Variants in RALGDS observed in about 807,000 individuals in gnomAD.
RALGDS encodes ral guanine nucleotide exchange factor.
RALGDS carries 44 observed loss-of-function variants against 99.8 expected under a neutral mutation model. The ratio of observed to expected loss-of-function variants is 0.44; its 90% CI spans 0.35 to 0.57. RALGDS has a LOEUF of 0.57. Among genes scored for constraint, RALGDS ranks in the 20% least tolerant of loss-of-function variants. The probability of loss-of-function intolerance (pLI) is 0.01; values close to 1 mark genes in which losing one functional copy is unlikely to be tolerated. For missense variants in RALGDS, 1,022 were observed against 1,203.1 expected (o/e 0.85, Z 2.23); for synonymous variants, 529 against 505.0 (o/e 1.05, Z -0.64).
upstream of RALGDS, among the ~76,000 whole-genome samples, chr9:133,125,626 C>T (rs1283599991): frequency 1.3e-5 from 2 of 152,130 alleles, no homozygotes; most frequent in Non-Finnish European, 2.9e-5. Context: ...ATCCCAGCTA[C>T]TTGGGAGGCT....
intron 7 of RALGDS, 131 bp downstream of exon 7, chr9:133,106,954 G>C (rs1831094419): frequency 2.8e-6 from 3 of 1,063,020 alleles, no homozygotes; most frequent in Admixed American, 1.9e-5. Flanking sequence ...CCAGGCAGTG[G>C]GCTGGGAGAG....
chr9:133,129,276 G>A (rs1183723596), intron 1 of RALGDS: 4 of 1,595,032 alleles, frequency 2.5e-6, no homozygotes. Flanking sequence ...CTCCCCCTGG[G>A]CACGGCAGGC....
chr9:133,131,577 C>A (rs1564251799), upstream of RALGDS, among the ~76,000 whole-genome samples: 1 of 152,088 alleles, frequency 6.6e-6, no homozygotes. Context: ...TGTCTTAATG[C>A]AGCAACACCA....
chr9:133,114,342 G>A (rs1392577421), intron 1 of RALGDS, among the ~76,000 whole-genome samples: 2 of 152,220 alleles, frequency 1.3e-5, no homozygotes, highest in African/African-American at 4.8e-5. Context: ...GCTACGTGGA[G>A]TACAGGGGCT....
intron 16 of RALGDS, 82 bp from the exon 17 acceptor site, chr9:133,100,464 G>C: frequency 6.2e-7 from 1 of 1,607,788 alleles, no homozygotes. Context: ...GGACCCTCTG[G>C]AGTCCCCTCA....
At chr9:133,111,826 C>T (rs1831357642) in intron 2 of RALGDS, among the ~76,000 whole-genome samples, 1 of 152,174 alleles carries the variant, frequency 6.6e-6, no homozygotes, top group Non-Finnish European at 1.5e-5. Context: ...GTGTGCACAT[C>T]TGGGAGAAGG....
rs776276452 is a variant in RALGDS, at chr9:133,110,367, G to A, written c.417C>T (p.Tyr139=). Residue 139 remains tyrosine (Y), a synonymous_variant, in exon 3 of 18, where the codon TAC becomes TAT. Transcript: ENST00000372050. Reference sequence around the variant, plus strand: ...TATAGGTACACAGGAAGATGGTGACGTAGGAGAGGTCGCTGCCCTGGAAGG... The same window carrying A: ...TATAGGTACACAGGAAGATGGTGACATAGGAGAGGTCGCTGCCCTGGAAGG... ...VPAFQGSDLS[Y]VTIFLCTYRA... is the part of the protein sequence containing the mutation. 45 of 1,613,692 alleles carry A rather than the reference G, an allele frequency of 2.8e-5. No homozygotes were observed. The East Asian group carries it at 4.2e-4, about 15-fold the overall frequency.
intron 1 of RALGDS, among the ~76,000 whole-genome samples, chr9:133,126,414 T>A (rs2119236128): frequency 6.6e-6 from 1 of 152,370 alleles, no homozygotes; most frequent in East Asian, 1.9e-4. Flanking sequence ...GAAGTGTTTT[T>A]AAAATTTTAA....
intron 1 of RALGDS, among the ~76,000 whole-genome samples, chr9:133,143,623 G>A (rs1227842878): frequency 6.6e-6 from 1 of 151,752 alleles, no homozygotes; most frequent in East Asian, 1.9e-4. Flanking sequence ...GGGAGTGTTG[G>A]CGTGCACCTG....
intron 1 of RALGDS, among the ~76,000 whole-genome samples, chr9:133,113,215 C>T (rs1006479954): frequency 6.6e-6 from 1 of 152,164 alleles, no homozygotes; most frequent in South Asian, 2.1e-4. Context: ...GGTCATTAAC[C>T]GCCCAGTCAG....
intron 1 of RALGDS, among the ~76,000 whole-genome samples, chr9:133,128,011 C>A (rs769144407): frequency 6.6e-6 from 1 of 152,184 alleles, no homozygotes; most frequent in African/African-American, 2.4e-5. Context: ...AATGGGTACA[C>A]CCCCGGCATA....
At position 133,119,295 on chromosome 9, in the gene RALGDS, C is replaced by T. The variant is rs199961616; in HGVS notation, c.183+1677G>A. 1.6e-4 allele frequency among the ~76,000 whole-genome samples: 24 copies of T among 152,336 alleles called. No homozygotes were observed. In the East Asian group the frequency reaches 4.6e-3, roughly 29 times the overall value. The stretch of plus-strand genomic sequence containing the variant: ...GGACGGGGGGTGTTGGCAGGAGGGA[C>T]AGGGACTTCCCCGCCCCCTCCCTTG... On this transcript the variant is annotated intron_variant, in intron 1 of 17. Transcript: ENST00000372050.
At position 133,101,918 on chromosome 9, in the gene RALGDS, G is replaced by T; in HGVS notation, c.2211+20C>A. The T allele has an allele frequency of 6.4e-7, 1 of 1,550,974 alleles. No individual in the cohort carries two copies. On this transcript the variant is annotated intron_variant, in intron 15 of 17. Transcript: ENST00000372050. ...GTGGGGAGATGGGAAAGGATATTGG[G>T]GAGAAGGGCAGGCAGTCACCTTCTT...
At chr9:133,138,020 G>A (rs1832454462) in intron 1 of RALGDS, among the ~76,000 whole-genome samples, 2 of 152,304 alleles carry the variant, frequency 1.3e-5, no homozygotes, top group East Asian at 3.9e-4. Context: ...GCTGCCTGCC[G>A]TGCCAGGGAC....
chr9:133,106,735 AGGATCCGGCACTCCTGG>A lies in RALGDS; in HGVS notation c.1414-4_1426del. ...GGCATACAGTGACGAGAAGTTCTTG[AGGATCCGGCACTCCTGG>A]GGCGGGAAGAGCAGGAGGCATGAGG... On this transcript the variant is annotated splice_acceptor_variant and splice_polypyrimidine_tract_variant and coding_sequence_variant and intron_variant, in exon 8 of 18. Coordinates refer to ENST00000372050, the MANE Select transcript of RALGDS (RefSeq NM_006266.4). LOFTEE classifies it high-confidence loss of function. 6.2e-7 allele frequency: 1 copy of A among 1,611,176 alleles called. No individual in the cohort carries two copies.
chr9:133,104,525 C>A, intron 9 of RALGDS, 194 bp from the exon 10 acceptor site: 1 of 610,302 alleles, frequency 1.6e-6, no homozygotes, highest in South Asian at 1.9e-5. Context: ...GAGAACTCCG[C>A]CTGCTGCATG....
rs1028466484 is a variant in RALGDS, at chr9:133,130,846, G to A, written c.132+106C>T. The A allele has an allele frequency of 4.7e-5, 52 of 1,105,558 alleles. No homozygotes were observed. In the East Asian group the frequency reaches 6.0e-4, roughly 13 times the overall value. The allele number at this position is 1,105,558 out of a possible 1,614,324, so 68.5% of individuals were successfully genotyped here. On this transcript the variant is annotated intron_variant, in intron 1 of 17. Coordinates refer to the RALGDS transcript ENST00000372062. Reference sequence around the variant, plus strand: ...CAGCTGCTCTGCAAAGCTTGCAGACGCTCCTTCCATCCTGACCTGGGGGCC... The same window carrying A: ...CAGCTGCTCTGCAAAGCTTGCAGACACTCCTTCCATCCTGACCTGGGGGCC...
intron 1 of RALGDS, chr9:133,148,882 C>T: frequency 1.3e-6 from 2 of 1,525,884 alleles, no homozygotes; most frequent in Non-Finnish European, 1.8e-6. Context: ...GCGCCGGGCT[C>T]CCTCCCCCCG....
rs368714632 is a variant in RALGDS, at chr9:133,103,816, G to T, written c.1689C>A (p.Thr563=). ...TGAGGAACGTGCCCAGGTAGGGAAC[G>T]GTGCCCTGGATGATGCCCTGTGACA... The part of the protein sequence containing the change: ...RPKETGIIQG[T]VPYLGTFLTD... The change falls in exon 11 of 18, where the codon ACC becomes ACA. Residue 563 remains threonine, a synonymous_variant. Transcript: ENST00000372050. 6.2e-7 allele frequency: 1 copy of T among 1,613,186 alleles called. No homozygotes were observed. The highest frequency in any genetic ancestry group is 8.5e-7 in the Non-Finnish European group (1 of 1,179,884).
Sources: gnomAD v4.1 joint callset for allele counts (sites outside exome capture counted in the v4.1 genomes callset) on GRCh38, gnomAD v4.1.1 for gene constraint, MANE v1.5 for transcripts, NCBI Gene and HGNC (gene_info 2026-07-23, HGNC 2026-07-21) for gene names.